The following SERPINB10 variants were observed in gnomAD, a reference collection of about 807,000 sequenced individuals.
SERPINB10 encodes serpin family B member 10, also known as serpin B10.
A neutral mutation model predicts 39.1 loss-of-function variants in SERPINB10; 35 were observed. That is an observed-to-expected ratio of 0.90 (90% CI 0.68 to 1.19). The LOEUF (loss-of-function observed/expected upper bound fraction) is 1.19, where lower values mean the gene tolerates loss of function less well. SERPINB10 is among the 50% of genes most tolerant of loss of function. The probability of loss-of-function intolerance (pLI) is 0.00; values close to 1 mark genes in which losing one functional copy is unlikely to be tolerated. For synonymous variants in SERPINB10, 190 were observed against 158.1 expected (o/e 1.20, Z -1.52); for missense variants, 546 against 460.5 (o/e 1.19, Z -1.70).
chr18:63,908,835 C>T (rs1276400798), intron 1 of SERPINB10, among the ~76,000 whole-genome samples: 1 of 152,046 alleles, frequency 6.6e-6, no homozygotes, highest in Admixed American at 6.6e-5. Flanking sequence ...GAATCCTCCC[C>T]ACTCTCCAGA....
chr18:63,917,941 T>C, intron 3 of SERPINB10, 24 bp from the exon 4 acceptor site: 1 of 1,603,826 alleles, frequency 6.2e-7, no homozygotes, highest in Non-Finnish European at 8.5e-7. Flanking sequence ...ACATTTTATT[T>C]GACTAGTTCC....
intron 1 of SERPINB10, among the ~76,000 whole-genome samples, chr18:63,911,536 C>A (rs528110046): frequency 2.4e-4 from 37 of 152,034 alleles, no homozygotes; most frequent in Middle Eastern, 3.4e-3. Context: ...TGAATAGAGT[C>A]CTTTCCCAAT....
intron 5 of SERPINB10, among the ~76,000 whole-genome samples, chr18:63,923,023 T>C (rs2050157221): frequency 6.6e-6 from 1 of 151,986 alleles, no homozygotes; most frequent in Non-Finnish European, 1.5e-5. Flanking sequence ...TATAGTACTA[T>C]ATGGCCACAG....
chr18:63,918,059 C>T lies in SERPINB10; in HGVS notation c.329C>T (p.Thr110Ile). Residue 110 changes from threonine to isoleucine, a missense_variant, in exon 4 of 8, where the codon ACA (threonine) becomes ATA (isoleucine). Thr to Ile is a moderately conservative substitution (Grantham distance 89, BLOSUM62 -1). Coordinates refer to ENST00000238508, the MANE Select transcript of SERPINB10 (RefSeq NM_005024.3). ...LKPNDDYLLK[T>I]ANAIYGEKTY... ...CCCAACGATGACTACTTACTTAAAA[C>T]AGCCAATGCGATATATGGAGAGAAA... is the stretch of plus-strand genomic sequence containing the variant. The T allele has an allele frequency of 2.5e-6, 4 of 1,612,454 alleles. No individual in the cohort carries two copies. The highest frequency in any genetic ancestry group is 3.4e-6 in the Non-Finnish European group (4 of 1,179,028).
Position 63,918,027 on chromosome 18 carries a change from C to A in SERPINB10, c.297C>A (p.Ile99=). Residue 99 remains isoleucine, a synonymous_variant, in exon 4 of 8, where the codon ATC becomes ATA. Transcript: ENST00000238508. ...ATTTCCAAACACTTATCTCAGAAAT[C>A]CTCAAGCCCAACGATGACTACTTAC... ...HSDFQTLISE[I]LKPNDDYLLK... 1 of 1,612,228 alleles carries A rather than the reference C, an allele frequency of 6.2e-7. No individual in the cohort carries two copies. The highest frequency in any genetic ancestry group is 8.5e-7 in the Non-Finnish European group (1 of 1,178,852).
In SERPINB10 at chr18:63,915,525, A is replaced by C. The variant is rs751103435; in HGVS notation, c.15A>C (p.Ala5=). Residue 5 remains alanine, a synonymous_variant, in exon 2 of 8, where the codon GCA becomes GCC. Transcript: ENST00000238508. ...AGGTTTCCTCAATGGACTCTCTAGCAACATCAATCAACCAGTTTGCCCTGG... is the reference window on the plus strand; with the variant it reads ...AGGTTTCCTCAATGGACTCTCTAGCCACATCAATCAACCAGTTTGCCCTGG... MDSL[A]TSINQFALEL... 13 of 1,611,772 alleles carry C rather than the reference A, an allele frequency of 8.1e-6. No homozygotes were observed. In the East Asian group the frequency reaches 2.9e-4, roughly 36 times the overall value.
chr18:63,919,961 A>G, intron 5 of SERPINB10, 56 bp downstream of exon 5: 1 of 1,082,118 alleles, frequency 9.2e-7, no homozygotes, highest in Non-Finnish European at 1.4e-6. Context: ...CCTTGTATTT[A>G]TTTTAGTTTG....
intron 3 of SERPINB10, 50 bp from the exon 4 acceptor site, chr18:63,917,915 A>T (rs775332417): frequency 1.3e-6 from 2 of 1,552,290 alleles, no homozygotes; most frequent in Non-Finnish European, 1.8e-6. Context: ...GCTAACATGT[A>T]CGTAACTCTT....
At chr18:63,925,597 A>T (rs1009928206) in intron 5 of SERPINB10, among the ~76,000 whole-genome samples, 2 of 152,056 alleles carry the variant, frequency 1.3e-5, no homozygotes, top group Admixed American at 6.6e-5. Context: ...ATGGATTATA[A>T]CCCATAGAAT....
In SERPINB10 at chr18:63,907,976, T is replaced by C; in HGVS notation, c.-74T>C. 1 of 323,990 alleles carries C rather than the reference T, an allele frequency of 3.1e-6. No homozygotes were observed. The highest frequency in any genetic ancestry group is 5.5e-4 in the Middle Eastern group (1 of 1,822). The allele number at this position is 323,990 out of a possible 1,614,324, so 20.1% of individuals were successfully genotyped here. On this transcript the variant is annotated 5_prime_UTR_variant, in exon 1 of 8. Transcript: ENST00000238508. ...TTTCTTCAGTTGAAAGTTTCTCAAC[T>C]CTTCAGCCACAATCTCTTACTACAG...
intron 5 of SERPINB10, among the ~76,000 whole-genome samples, chr18:63,928,635 C>A (rs1158829276): frequency 1.3e-5 from 2 of 152,070 alleles, no homozygotes; most frequent in African/African-American, 4.8e-5. Flanking sequence ...TGACCTTGGG[C>A]AGTATGGCCG....
chr18:63,908,121 T>C (rs2050038564), intron 1 of SERPINB10, 81 bp downstream of exon 1: 1 of 241,202 alleles, frequency 4.1e-6, no homozygotes, highest in South Asian at 4.4e-5. Flanking sequence ...TAACAAATAA[T>C]GAAGACCCCT....
chr18:63,925,744 T>C (rs2050176918), intron 5 of SERPINB10, among the ~76,000 whole-genome samples: 1 of 151,950 alleles, frequency 6.6e-6, no homozygotes, highest in Non-Finnish European at 1.5e-5. Flanking sequence ...AAAACCACCA[T>C]CTGCAATAGT....
rs1044792895 is a variant in SERPINB10, at chr18:63,935,330, G to A, written c.*88G>A. 25 of 1,361,806 alleles carry A rather than the reference G, an allele frequency of 1.8e-5. No homozygotes were observed. Among genetic ancestry groups the A allele is most frequent in the Non-Finnish European group, 2.4e-5 (24 of 1,012,172 alleles). The allele number at this position is 1,361,806 out of a possible 1,614,324, so 84.4% of individuals were successfully genotyped here. ...AAAAGCACAATTTTCACAAAAATGA[G>A]TTTGTAGTCTAAACCTTTTTCACAT... is the stretch of plus-strand genomic sequence containing the variant. On this transcript the variant is annotated 3_prime_UTR_variant, in exon 8 of 8. Transcript: ENST00000238508.
At chr18:63,930,893 G>T (rs903356909) in intron 6 of SERPINB10, among the ~76,000 whole-genome samples, 7 of 152,146 alleles carry the variant, frequency 4.6e-5, no homozygotes, top group Non-Finnish European at 1.0e-4. Context: ...GTTGACCAAG[G>T]TTTGTTACAG....
intron 5 of SERPINB10, among the ~76,000 whole-genome samples, chr18:63,925,708 T>C (rs967170511): frequency 1.3e-5 from 2 of 151,940 alleles, no homozygotes; most frequent in Admixed American, 6.6e-5. Flanking sequence ...TTCTAGTTAA[T>C]GAATACAGAA....
intron 5 of SERPINB10, among the ~76,000 whole-genome samples, chr18:63,927,536 C>T (rs1288516801): frequency 6.6e-6 from 1 of 152,066 alleles, no homozygotes; most frequent in Non-Finnish European, 1.5e-5. Context: ...ATTGTCATCG[C>T]ATAGTGGAGG....
intron 1 of SERPINB10, among the ~76,000 whole-genome samples, chr18:63,910,190 A>G (rs1420980610): frequency 6.6e-6 from 1 of 152,046 alleles, no homozygotes; most frequent in Non-Finnish European, 1.5e-5. Flanking sequence ...CAAAGCTCTC[A>G]TTCTAGGTTT....
intron 5 of SERPINB10, 92 bp from the exon 6 acceptor site, chr18:63,929,953 T>A: frequency 7.4e-7 from 1 of 1,355,692 alleles, no homozygotes; most frequent in Non-Finnish European, 1.0e-6. Flanking sequence ...AGAAAACTTT[T>A]ATAGTTCCAG....
Sources: gnomAD v4.1 joint callset for allele counts (sites outside exome capture counted in the v4.1 genomes callset) on GRCh38, gnomAD v4.1.1 for gene constraint, MANE v1.5 for transcripts, NCBI Gene and HGNC (gene_info 2026-07-23, HGNC 2026-07-21) for gene names.